HEG1: variants seen among roughly 807,000 people sequenced by gnomAD.
The protein encoded by HEG1 is heart development protein with EGF like domains 1.
A neutral mutation model predicts 125.6 loss-of-function variants in HEG1; 56 were observed. The observed-to-expected ratio is 0.45, with a 90% CI of 0.36 to 0.56. The LOEUF (loss-of-function observed/expected upper bound fraction) is 0.56. Among genes scored for constraint, HEG1 ranks in the 20% least tolerant of loss-of-function variants. The probability of loss-of-function intolerance (pLI) is 0.00; values close to 1 mark genes in which losing one functional copy is unlikely to be tolerated. For missense variants in HEG1, 1,523 were observed against 1,670.0 expected, an observed-to-expected ratio of 0.91 and a Z score of 1.53; for synonymous variants, 644 against 668.5, an observed-to-expected ratio of 0.96 and a Z score of 0.57.
rs1156506463 is a variant in HEG1 at position 124,978,426 on chromosome 3, C to T, written c.3734-480G>A. On this transcript the variant is annotated intron_variant, in intron 14 of 16. Coordinates refer to ENST00000311127, the MANE Select transcript of HEG1 (RefSeq NM_020733.2). ...CCTCCCAAAGTTCTGGGATTACAGGCGTGAGCCACCGCGCCCGGCCGAAAA... is the reference window on the plus strand; with the variant it reads ...CCTCCCAAAGTTCTGGGATTACAGGTGTGAGCCACCGCGCCCGGCCGAAAA... 6.6e-5 allele frequency among the ~76,000 whole-genome samples: 10 copies of T among 152,268 alleles called. No individual in the cohort carries two copies. In the East Asian group the frequency reaches 9.7e-4, roughly 15 times the overall value.
chr3:125,009,653 G>A, intron 8 of HEG1, 52 bp downstream of exon 8: 1 of 1,519,626 alleles, frequency 6.6e-7, no homozygotes, highest in East Asian at 2.3e-5. Context: ...ATGTTACCTT[G>A]TAAAATATAT....
At chr3:124,994,496 G>T (rs7629166) in intron 12 of HEG1, among the ~76,000 whole-genome samples, 35,973 of 151,698 alleles carry the variant, frequency 0.24, 4,413 homozygotes, top group East Asian at 0.36. Flanking sequence ...GAAATAAGTA[G>T]ATGGTGGCAT....
chr3:125,022,258 T>C (rs915049621), intron 3 of HEG1, among the ~76,000 whole-genome samples: 1 of 152,208 alleles, frequency 6.6e-6, no homozygotes, highest in African/African-American at 2.4e-5. Context: ...TCTACACTTA[T>C]ATAATAAAAG....
At chr3:125,018,133 C>T (rs888774026) in intron 5 of HEG1, among the ~76,000 whole-genome samples, 12 of 152,116 alleles carry the variant, frequency 7.9e-5, no homozygotes, top group Non-Finnish European at 1.5e-4. Flanking sequence ...ACAACCCAAA[C>T]ATCCATCAAT....
At chr3:124,999,939 A>G (rs1043523548) in intron 11 of HEG1, among the ~76,000 whole-genome samples, 3 of 152,182 alleles carry the variant, frequency 2.0e-5, no homozygotes, top group Non-Finnish European at 4.4e-5. Context: ...TATGAAGTGA[A>G]GACAGAAAAC....
At chr3:125,012,561 T>G in intron 6 of HEG1, 62 bp downstream of exon 6, 12 of 1,478,980 alleles carry the variant, frequency 8.1e-6, no homozygotes, top group African/African-American at 1.4e-5. Context: ...CCGAGCCCCA[T>G]GTAGCTCTCA....
rs201530614 is a variant in HEG1 at position 125,013,678 on chromosome 3, G to T, written c.1901C>A (p.Pro634Gln). 2 of 1,613,872 alleles carry T rather than the reference G, an allele frequency of 1.2e-6. No individual in the cohort carries two copies. Among genetic ancestry groups the T allele is most frequent in the Non-Finnish European group, 8.5e-7 (1 of 1,179,870 alleles). Residue 634 changes from proline to glutamine, a missense_variant, in exon 6 of 17, where the codon CCG becomes CAG. Physicochemically the swap from Pro to Gln is moderately conservative, Grantham distance 76. Transcript: ENST00000311127. ...ESPVLHTSNL[P>Q]SYTPTINMPN... ...CATATTAATGGTGGGTGTGTAGGAC[G>T]GAAGGTTGGATGTATGCAGAACTGG... is the stretch of plus-strand genomic sequence containing the variant.
At chr3:124,976,850 G>A (rs1175416684) in intron 15 of HEG1, among the ~76,000 whole-genome samples, 1 of 152,132 alleles carries the variant, frequency 6.6e-6, no homozygotes, top group Non-Finnish European at 1.5e-5. Flanking sequence ...TTCCAGGAGT[G>A]GAAGCAGCCT....
chr3:124,991,002 A>G lies in HEG1; in HGVS notation c.3653-16T>C. On this transcript the variant is annotated splice_polypyrimidine_tract_variant and intron_variant, in intron 12 of 16. Transcript: ENST00000311127. ...TCTTCACATGCTGAAAGACAAAAGG[A>G]AAATGCATGAGTGTGTCTATTTACC... 1 of 1,550,718 alleles carries G rather than the reference A, an allele frequency of 6.4e-7. No individual in the cohort carries two copies. Among genetic ancestry groups the G allele is most frequent in the Non-Finnish European group, 8.7e-7 (1 of 1,144,936 alleles).
At chr3:124,985,021 G>A (rs540040225) in intron 14 of HEG1, among the ~76,000 whole-genome samples, 1 of 152,290 alleles carries the variant, frequency 6.6e-6, no homozygotes, top group South Asian at 2.1e-4. Flanking sequence ...TGTTCAGTGA[G>A]ATCCAATTTC....
intron 11 of HEG1, among the ~76,000 whole-genome samples, chr3:124,999,772 A>G (rs1055880429): frequency 2.6e-5 from 4 of 152,232 alleles, no homozygotes; most frequent in Non-Finnish European, 4.4e-5. Context: ...TACATTCACA[A>G]TTCCCATGGT....
At position 125,043,398 on chromosome 3, in the gene HEG1, T is replaced by C. The variant is rs150500418; in HGVS notation, c.316+12177A>G. On this transcript the variant is annotated intron_variant, in intron 1 of 16. Coordinates refer to ENST00000311127, the MANE Select transcript of HEG1 (RefSeq NM_020733.2). ...GACCTTGGAGTGACCTCAAGCTCTT[T>C]GCTTTAAAAGGAATTCTATAGGTTT... Among the ~76,000 whole-genome samples the C allele has an allele frequency of 6.2e-4, 94 of 151,302 alleles. No individual in the cohort carries two copies. In the East Asian group the frequency reaches 0.017, roughly 28 times the overall value.
chr3:125,027,647 A>G, intron 2 of HEG1, 140 bp from the exon 3 acceptor site: 1 of 731,326 alleles, frequency 1.4e-6, no homozygotes, highest in Non-Finnish European at 2.2e-6. Context: ...TCTATGAAAA[A>G]TAAACTCCTG....
intron 3 of HEG1, among the ~76,000 whole-genome samples, chr3:125,026,322 G>A (rs1281339093): frequency 6.6e-6 from 1 of 152,058 alleles, no homozygotes; most frequent in Non-Finnish European, 1.5e-5. Flanking sequence ...AGACACAGCC[G>A]GTGTCCTCAA....
chr3:125,010,477 C>T lies in HEG1; in HGVS notation c.3035G>A (p.Arg1012Lys). ...ADNTSRGYHC[R>K]CPPSWQGDDC... ...ATCCCCTTGCCAGGAAGGCGGGCAC[C>T]TGCAGTGGTAGCCACGGCTGGTGTT... Residue 1012 changes from arginine to lysine, a missense_variant, in exon 7 of 17, where the codon AGG becomes AAG. Coordinates refer to ENST00000311127, the MANE Select transcript of HEG1 (RefSeq NM_020733.2). 1 of 1,559,598 alleles carries T rather than the reference C, an allele frequency of 6.4e-7. No homozygotes were observed. Among genetic ancestry groups the T allele is most frequent in the Admixed American group, 1.9e-5 (1 of 52,248 alleles).
intron 15 of HEG1, among the ~76,000 whole-genome samples, chr3:124,974,410 A>T (rs1936499149): frequency 6.6e-6 from 1 of 152,180 alleles, no homozygotes; most frequent in Non-Finnish European, 1.5e-5. Flanking sequence ...AACTCAGTAA[A>T]GAGACCTGAC....
At chr3:125,001,130 A>T (rs542546088) in intron 11 of HEG1, among the ~76,000 whole-genome samples, 2 of 152,158 alleles carry the variant, frequency 1.3e-5, no homozygotes, top group Non-Finnish European at 2.9e-5. Flanking sequence ...ATAATTGTTT[A>T]TGGCGCCACT....
chr3:125,024,489 G>A (rs968134986), intron 3 of HEG1, among the ~76,000 whole-genome samples: 4 of 152,042 alleles, frequency 2.6e-5, no homozygotes, highest in Admixed American at 1.3e-4. Context: ...TTTTCCCTCC[G>A]ATGATCAAAT....
At chr3:124,997,866 T>C in intron 11 of HEG1, 43 bp from the exon 12 acceptor site, 2 of 1,520,774 alleles carry the variant, frequency 1.3e-6, no homozygotes, top group South Asian at 2.6e-5. Flanking sequence ...CAAAACCTTC[T>C]CCACTTCAAA....
Sources: gnomAD v4.1 joint callset for allele counts (sites outside exome capture counted in the v4.1 genomes callset) on GRCh38, gnomAD v4.1.1 for gene constraint, MANE v1.5 for transcripts, NCBI Gene and HGNC (gene_info 2026-07-23, HGNC 2026-07-21) for gene names.